ZNF441: variants seen among roughly 807,000 people sequenced by gnomAD.
ZNF441 encodes zinc finger protein 441.
Under a neutral mutation model 64.5 loss-of-function variants are expected in ZNF441, and 25 were observed. The ratio of observed to expected loss-of-function variants is 0.39; its 90% CI spans 0.28 to 0.54. ZNF441 has a LOEUF of 0.54. ZNF441 is among the 20% of genes least tolerant of loss of function. The pLI is 0.70. For synonymous variants in ZNF441, 262 were observed against 268.0 expected (o/e 0.98, Z 0.22); for missense variants, 715 against 843.3 (o/e 0.85, Z 1.88).
Position 11,770,798 on chromosome 19 carries a change from A to T in ZNF441, c.3+3602A>T, listed in dbSNP as rs10421806. 7.2e-3 allele frequency among the ~76,000 whole-genome samples: 1,093 copies of T among 152,078 alleles called. 7 individuals carry two copies. The highest frequency in any genetic ancestry group is 0.025 in the African/African-American group (1,051 of 41,476). Reference sequence around the variant, plus strand: ...GAGATGGGGTTTCACCATGTTGCCGAGGCTGGTCTTGAACTCCTGGGCTCA... The same window carrying T: ...GAGATGGGGTTTCACCATGTTGCCGTGGCTGGTCTTGAACTCCTGGGCTCA... On this transcript the variant is annotated intron_variant, in intron 1 of 3. Coordinates refer to ENST00000357901, the MANE Select transcript of ZNF441 (RefSeq NM_152355.3).
Position 11,781,698 on chromosome 19 carries a change from G to A in ZNF441, c.1874G>A (p.Ser625Asn), listed in dbSNP as rs1399489490. 2.5e-6 allele frequency: 4 copies of A among 1,614,090 alleles called. 1 individual carries two copies. In the South Asian group the frequency reaches 4.4e-5, roughly 18 times the overall value. The change falls in exon 4 of 4, where the codon AGT becomes AAT. Residue 625 changes from serine (S) to asparagine (N), a missense_variant. By Grantham distance (46) the Ser-to-Asn change is conservative. Transcript: ENST00000357901. ...YECKECGKAF[S>N]HSSYLRIHER... ...TGCAAGGAATGTGGTAAAGCCTTCA[G>A]TCATTCAAGTTACTTACGAATACAC...
In ZNF441 at chr19:11,780,928, A is replaced by G; in HGVS notation, c.1104A>G (p.Val368=). 6.2e-7 allele frequency: 1 copy of G among 1,614,064 alleles called. No individual in the cohort carries two copies. Among genetic ancestry groups the G allele is most frequent in the Non-Finnish European group, 8.5e-7 (1 of 1,179,998 alleles). Residue 368 remains valine, a synonymous_variant, in exon 4 of 4, where the codon GTA becomes GTG. Transcript: ENST00000357901. ...HTGDGPHKCK[V]CGKAFDSPSL... Reference sequence around the variant, plus strand: ...GAGATGGACCTCATAAATGCAAGGTATGTGGGAAAGCCTTTGATTCTCCCA... The same window carrying G: ...GAGATGGACCTCATAAATGCAAGGTGTGTGGGAAAGCCTTTGATTCTCCCA...
chr19:11,774,711 T>C (rs1206065741), intron 1 of ZNF441, among the ~76,000 whole-genome samples: 1 of 152,240 alleles, frequency 6.6e-6, no homozygotes, highest in East Asian at 1.9e-4. Flanking sequence ...TTGAACATAT[T>C]TAAGACAGTT....
At chr19:11,774,554 T>C (rs975315332) in intron 1 of ZNF441, among the ~76,000 whole-genome samples, 7 of 152,322 alleles carry the variant, frequency 4.6e-5, no homozygotes, top group African/African-American at 1.4e-4. Context: ...TGAACATCTA[T>C]AGAGAAATTT....
rs759945096 is a variant in ZNF441 at position 11,781,232 on chromosome 19, A to G, written c.1408A>G (p.Thr470Ala). 2.2e-5 allele frequency: 36 copies of G among 1,613,990 alleles called. No individual in the cohort carries two copies. Among genetic ancestry groups the G allele is most frequent in the Non-Finnish European group, 3.0e-5 (35 of 1,180,002 alleles). ...NYIRVHEKTH[T>A]GEKPYECKQC... is the part of the protein sequence containing the mutation. ...CATTCGAGTACATGAAAAGACTCAC[A>G]CTGGAGAAAAGCCCTATGAATGTAA... is the stretch of plus-strand genomic sequence containing the variant. The change falls in exon 4 of 4, where the codon ACT (threonine) becomes GCT (alanine). Residue 470 changes from threonine (T) to alanine (A), a missense_variant. By Grantham distance (58) the Thr-to-Ala change is moderately conservative. Around this residue, in one of 2 missense-constraint regions of ZNF441, gnomAD observed 316 missense variants for 429.3 expected, o/e 0.74. Coordinates refer to ENST00000357901, the MANE Select transcript of ZNF441 (RefSeq NM_152355.3).
intron 3 of ZNF441, among the ~76,000 whole-genome samples, chr19:11,779,331 A>G (rs999235958): frequency 4.7e-5 from 7 of 149,220 alleles, no homozygotes; most frequent in Non-Finnish European, 9.0e-5. Flanking sequence ...AAAAAAAAAA[A>G]AAAAAAGAAA....
At chr19:11,775,369 G>A (rs564402903) in intron 1 of ZNF441, among the ~76,000 whole-genome samples, 4 of 152,056 alleles carry the variant, frequency 2.6e-5, no homozygotes, top group African/African-American at 9.7e-5. Context: ...TCGCGCTGTC[G>A]CCCAGGCTGG....
chr19:11,778,051 AT>A, intron 2 of ZNF441: 1 of 425,430 alleles, frequency 2.4e-6, no homozygotes, highest in Non-Finnish European at 4.2e-6. Context: ...GTGGAACATT[AT>A]TTAGTATTCA....
intron 1 of ZNF441, among the ~76,000 whole-genome samples, chr19:11,772,131 C>T (rs1975318872): frequency 6.6e-6 from 1 of 152,210 alleles, no homozygotes; most frequent in Admixed American, 6.5e-5. Flanking sequence ...CAGGGAAGGG[C>T]CCCCGTCCAG....
Position 11,781,342 on chromosome 19 carries a change from G to C in ZNF441, c.1518G>C (p.Lys506Asn), listed in dbSNP as rs774013693. The C allele has an allele frequency of 4.3e-6, 7 of 1,612,646 alleles. No homozygotes were observed. Among genetic ancestry groups the C allele is most frequent in the Non-Finnish European group, 5.1e-6 (6 of 1,179,672 alleles). Residue 506 changes from lysine (K) to asparagine (N), a missense_variant, in exon 4 of 4, where the codon AAG becomes AAC. Transcript: ENST00000357901. ...CTGGAGATGGACCTCATAAATGTAA[G>C]ATATGTGGGAAAAGCTTTGATTCTC... ...MHTGDGPHKC[K>N]ICGKSFDSPS...
In ZNF441 at chr19:11,782,029, A is replaced by AT. The variant is rs1975409260; in HGVS notation, c.*130dup. The stretch of plus-strand genomic sequence containing the variant: ...ATATAAAAATGTACTAAAACCTTCC[A>AT]TTTTTTTCAGTACCTTTTGAAAACA... On this transcript the variant is annotated 3_prime_UTR_variant, in exon 4 of 4. Coordinates refer to ENST00000357901, the MANE Select transcript of ZNF441 (RefSeq NM_152355.3). 1 of 722,294 alleles carries AT rather than the reference A, an allele frequency of 1.4e-6. No homozygotes were observed. The highest frequency in any genetic ancestry group is 2.0e-6 in the Non-Finnish European group (1 of 489,144). 44.7% of individuals were successfully genotyped at this position (722,294 alleles called of 1,614,324 possible). A position where few individuals can be genotyped will look rare whatever the true frequency, so the allele number is the denominator to read the frequency against.
rs1312954103 is a variant in ZNF441, at chr19:11,767,924, A to G, written c.3+728A>G. ...GGCACCTGGTTAATATCTAACTGCA[A>G]TCTCGCCTCCAGCCTGGCTCGCAGT... is the stretch of plus-strand genomic sequence containing the variant. On this transcript the variant is annotated intron_variant, in intron 1 of 3. Transcript: ENST00000357901. The surrounding 1 kb of genome is among the most constrained non-coding windows in gnomAD (Gnocchi z 5.1). Among the ~76,000 whole-genome samples the G allele has an allele frequency of 2.6e-5, 4 of 152,152 alleles. No homozygotes were observed. Among genetic ancestry groups the G allele is most frequent in the Non-Finnish European group, 4.4e-5 (3 of 68,026 alleles).
intron 1 of ZNF441, among the ~76,000 whole-genome samples, chr19:11,771,639 G>C (rs1417997856): frequency 6.6e-6 from 1 of 152,162 alleles, no homozygotes; most frequent in Non-Finnish European, 1.5e-5. Context: ...GAGCTGAGGG[G>C]ACATAGTGAG....
In ZNF441 at chr19:11,767,133, G is replaced by T. The variant is rs936932634; in HGVS notation, c.-61G>T. The T allele has an allele frequency of 3.9e-6, 6 of 1,552,498 alleles. No individual in the cohort carries two copies. Among genetic ancestry groups the T allele is most frequent in the African/African-American group, 2.7e-5 (2 of 73,050 alleles). On this transcript the variant is annotated 5_prime_UTR_variant, in exon 1 of 4. Coordinates refer to ENST00000357901, the MANE Select transcript of ZNF441 (RefSeq NM_152355.3). The surrounding 1 kb of genome is among the most constrained non-coding windows in gnomAD (Gnocchi z 5.1). ...GAACGTCTGTGGCAGCTTCTGTCTC[G>T]CTGGGACCCGCACTGACAGCGGGAG...
chr19:11,774,171 C>T (rs1975337187), intron 1 of ZNF441, among the ~76,000 whole-genome samples: 2 of 152,026 alleles, frequency 1.3e-5, no homozygotes, highest in South Asian at 2.1e-4. Flanking sequence ...AACACTATAC[C>T]GGCTTCAGGG....
chr19:11,773,007 A>G (rs969483948), intron 1 of ZNF441, among the ~76,000 whole-genome samples: 7 of 152,266 alleles, frequency 4.6e-5, no homozygotes, highest in Admixed American at 6.5e-5. Flanking sequence ...TAACGAGGAT[A>G]GTCTCAATCT....
rs770864111 is a variant in ZNF441 at position 11,767,064 on chromosome 19, GC to G, written c.-126del. The stretch of plus-strand genomic sequence containing the variant: ...AAAGAGCCCGCCGAGTCTTCTCCAC[GC>G]CCCTGCACTGGGCTCCGGGTTCTGT... On this transcript the variant is annotated 5_prime_UTR_variant, in exon 1 of 4. Transcript: ENST00000357901. The surrounding 1 kb of genome is among the most constrained non-coding windows in gnomAD (Gnocchi z 5.1). The G allele has an allele frequency of 1.7e-5, 23 of 1,385,372 alleles. No individual in the cohort carries two copies. Among genetic ancestry groups the G allele is most frequent in the Non-Finnish European group, 2.2e-5 (22 of 1,007,806 alleles). 85.8% of individuals were successfully genotyped at this position (1,385,372 alleles called of 1,614,324 possible). A position where few individuals can be genotyped will look rare whatever the true frequency, so the allele number is the denominator to read the frequency against.
At position 11,780,599 on chromosome 19, in the gene ZNF441, A is replaced by G; in HGVS notation, c.775A>G (p.Lys259Glu). The change falls in exon 4 of 4, where the codon AAA (lysine) becomes GAA (glutamate). Residue 259 changes from lysine to glutamate, a missense_variant. This residue lies in a region of ZNF441 where 399 missense variants were observed against 413.9 expected (regional missense o/e 0.96). Transcript: ENST00000357901. ...EKPYQCKQCG[K>E]AFSCSCYTQL... The stretch of plus-strand genomic sequence containing the variant: ...ACCCTATCAATGTAAACAATGTGGG[A>G]AAGCCTTCAGTTGTTCCTGTTACAC... 1 of 1,614,206 alleles carries G rather than the reference A, an allele frequency of 6.2e-7. No homozygotes were observed. Among genetic ancestry groups the G allele is most frequent in the South Asian group, 1.1e-5 (1 of 91,082 alleles).
At chr19:11,778,175 C>A in intron 2 of ZNF441, 155 bp from the exon 3 acceptor site, 1 of 585,018 alleles carries the variant, frequency 1.7e-6, no homozygotes, top group Non-Finnish European at 3.0e-6. Context: ...TGAAGAAATT[C>A]ATATGTAAGT....
Sources: gnomAD v4.1 joint callset for allele counts (sites outside exome capture counted in the v4.1 genomes callset) on GRCh38, gnomAD v4.1.1 for gene constraint, gnomAD v4.1.1 regional missense constraint, Gnocchi (gnomAD v3.1) non-coding constraint, MANE v1.5 for transcripts, NCBI Gene and HGNC (gene_info 2026-07-23, HGNC 2026-07-21) for gene names.